Variants in TBC1D22A observed in about 807,000 individuals in gnomAD.
TBC1D22A encodes the protein TBC1 domain family member 22A.
TBC1D22A carries 38 observed loss-of-function variants against 60.2 expected under a neutral mutation model. The ratio of observed to expected loss-of-function variants is 0.63; its 90% confidence interval spans 0.49 to 0.83. The LOEUF is 0.83. Among genes scored for constraint, TBC1D22A ranks in the 40% least tolerant of loss-of-function variants. The pLI is 0.00. For synonymous variants in TBC1D22A, 302 were observed against 281.7 expected, an observed-to-expected ratio of 1.07 and a Z score of -0.72; for missense variants, 628 against 701.0, an observed-to-expected ratio of 0.90 and a Z score of 1.18.
At chr22:47,024,324 T>C (rs527935551) in intron 10 of TBC1D22A, among the ~76,000 whole-genome samples, 18 of 152,272 alleles carry the variant, frequency 1.2e-4, no homozygotes, top group African/African-American at 4.3e-4. Flanking sequence ...GATGGGACAG[T>C]TGGGCCACAC....
chr22:46,951,757 T>C (rs1280620824), intron 8 of TBC1D22A, among the ~76,000 whole-genome samples: 1 of 152,212 alleles, frequency 6.6e-6, no homozygotes, highest in Admixed American at 6.5e-5. Flanking sequence ...CCAGTGGAAT[T>C]TGTGCTGCCG....
intron 4 of TBC1D22A, among the ~76,000 whole-genome samples, chr22:46,849,385 A>C (rs2087166851): frequency 6.6e-6 from 1 of 152,172 alleles, no homozygotes; most frequent in Non-Finnish European, 1.5e-5. Context: ...GAAATTCTAG[A>C]ACTGATTAGT....
intron 4 of TBC1D22A, among the ~76,000 whole-genome samples, chr22:46,815,413 CAG>C (rs2085553768): frequency 6.6e-6 from 1 of 152,246 alleles, no homozygotes; most frequent in Non-Finnish European, 1.5e-5. Context: ...CCCCTGGGCA[CAG>C]AGTCCTTTAT....
intron 11 of TBC1D22A, among the ~76,000 whole-genome samples, chr22:47,104,739 T>C (rs945501090): frequency 2.6e-5 from 4 of 152,008 alleles, no homozygotes; most frequent in Admixed American, 2.0e-4. Context: ...TTTCTCTCTA[T>C]TGTCTCTAAG....
At chr22:46,885,576 A>G (rs2068071208) in intron 5 of TBC1D22A, among the ~76,000 whole-genome samples, 1 of 152,226 alleles carries the variant, frequency 6.6e-6, no homozygotes, top group Non-Finnish European at 1.5e-5. Context: ...TGAAATAACA[A>G]CAAGGTGCAG....
chr22:46,825,313 T>G (rs1474305131), intron 4 of TBC1D22A, among the ~76,000 whole-genome samples: 1 of 152,112 alleles, frequency 6.6e-6, no homozygotes, highest in African/African-American at 2.4e-5. Flanking sequence ...GTGCTGTGTT[T>G]CCTCTCTGCA....
At chr22:46,876,302 C>G (rs769379702) in intron 4 of TBC1D22A, among the ~76,000 whole-genome samples, 2 of 152,164 alleles carry the variant, frequency 1.3e-5, no homozygotes, top group African/African-American at 2.4e-5. Context: ...ACTTCATATC[C>G]GCACAAAAAG....
intron 11 of TBC1D22A, among the ~76,000 whole-genome samples, chr22:47,062,672 C>T (rs1569407708): frequency 6.6e-6 from 1 of 152,150 alleles, no homozygotes; most frequent in African/African-American, 2.4e-5. Flanking sequence ...AATCCCTGGT[C>T]GACCTTAGGA....
chr22:47,060,675 G>A (rs753480444), intron 11 of TBC1D22A, among the ~76,000 whole-genome samples: 4 of 152,146 alleles, frequency 2.6e-5, no homozygotes, highest in African/African-American at 4.8e-5. Context: ...CAGGTGATCC[G>A]ACTGCCTCTG....
At chr22:47,099,431 C>T (rs1332704483) in intron 11 of TBC1D22A, among the ~76,000 whole-genome samples, 1 of 151,738 alleles carries the variant, frequency 6.6e-6, no homozygotes, top group African/African-American at 2.4e-5. Flanking sequence ...TCCCTGCTTT[C>T]TTTCTTTTTT....
At chr22:46,998,753 T>C (rs1425933512) in intron 10 of TBC1D22A, among the ~76,000 whole-genome samples, 1 of 152,276 alleles carries the variant, frequency 6.6e-6, no homozygotes, top group African/African-American at 2.4e-5. Flanking sequence ...GGTGATTACC[T>C]AATTTCCATA....
intron 6 of TBC1D22A, among the ~76,000 whole-genome samples, chr22:46,892,035 A>C (rs1471333974): frequency 2.0e-5 from 3 of 152,230 alleles, no homozygotes; most frequent in Admixed American, 6.5e-5. Flanking sequence ...TTTATGATTC[A>C]CAGTACATCC....
At chr22:46,835,137 C>T (rs1602074314) in intron 4 of TBC1D22A, among the ~76,000 whole-genome samples, 1 of 152,138 alleles carries the variant, frequency 6.6e-6, no homozygotes, top group African/African-American at 2.4e-5. Context: ...GAAGATCTTT[C>T]TCTTCTGAAG....
intron 7 of TBC1D22A, among the ~76,000 whole-genome samples, chr22:46,897,640 G>GTTTTTTTTTTTTTTTTT (rs1210846664): frequency 9.2e-6 from 1 of 108,380 alleles, no homozygotes; most frequent in African/African-American, 4.2e-5. Flanking sequence ...GTTTCGTTTT[G>GTTTTTTTTTTTTTTTTT]TTTTTTTTTG....
intron 10 of TBC1D22A, 86 bp downstream of exon 10, chr22:46,997,795 C>G: frequency 7.9e-7 from 1 of 1,269,394 alleles, no homozygotes; most frequent in Non-Finnish European, 1.1e-6. Flanking sequence ...TGTCCTCATC[C>G]GCCGGCAGCA....
Position 47,007,930 on chromosome 22 carries a change from A to G in TBC1D22A, c.1201+10221A>G, listed in dbSNP as rs919137305. 8.5e-5 allele frequency among the ~76,000 whole-genome samples: 13 copies of G among 152,344 alleles called. 1 individual carries two copies. Among genetic ancestry groups the G allele is most frequent in the African/African-American group, 2.6e-4 (11 of 41,580 alleles). On this transcript the variant is annotated intron_variant, in intron 10 of 12. Coordinates refer to ENST00000337137, the MANE Select transcript of TBC1D22A (RefSeq NM_014346.5). ...TTGGAAGTGTGGGGTTTAGACCAAG[A>G]TACAGTTCATGGAAGAAATGATCAT...
At chr22:47,091,539 T>C (rs1205635393) in intron 11 of TBC1D22A, among the ~76,000 whole-genome samples, 2 of 138,766 alleles carry the variant, frequency 1.4e-5, no homozygotes, top group Admixed American at 7.3e-5. Flanking sequence ...AGAAGTCGTC[T>C]TTGGGGGGGT....
chr22:47,024,603 C>T (rs966935593), intron 10 of TBC1D22A, among the ~76,000 whole-genome samples: 5 of 152,064 alleles, frequency 3.3e-5, no homozygotes, highest in African/African-American at 9.7e-5. Context: ...CCCATAGTCC[C>T]AGCACTTTGG....
intron 11 of TBC1D22A, among the ~76,000 whole-genome samples, chr22:47,049,588 G>A (rs987652622): frequency 1.3e-5 from 2 of 152,222 alleles, no homozygotes; most frequent in African/African-American, 4.8e-5. Flanking sequence ...ATGGCCCCCA[G>A]TGGAGCAGGT....
Sources: allele counts gnomAD v4.1 joint callset (sites outside exome capture counted in the v4.1 genomes callset), GRCh38; gene constraint gnomAD v4.1.1; transcripts MANE v1.5; gene names NCBI Gene and HGNC (gene_info 2026-07-23, HGNC 2026-07-21).